Variants in LRRC63 observed in about 807,000 individuals in gnomAD.
LRRC63 encodes leucine rich repeat containing 63.
Under a neutral mutation model 49.5 loss-of-function variants are expected in LRRC63, and 40 were observed. That is an observed-to-expected ratio of 0.81 (90% CI 0.63 to 1.05). LRRC63 has a LOEUF of 1.05. Ranked by LOEUF, LRRC63 falls within the 50% of genes least tolerant of loss-of-function variation. The pLI is 0.00. For missense variants in LRRC63, 636 were observed against 663.1 expected (o/e 0.96, Z 0.45); for synonymous variants, 191 against 221.1 (o/e 0.86, Z 1.21).
chr13:46,252,025 A>G (rs1477319322), intron 7 of LRRC63, among the ~76,000 whole-genome samples: 1 of 151,994 alleles, frequency 6.6e-6, no homozygotes, highest in African/African-American at 2.4e-5. Flanking sequence ...ATTAAATAAC[A>G]TAGGATATGT....
At chr13:46,227,649 C>T (rs1238324219) in exon 3 of LRRC63, 1 of 1,550,302 alleles carries the variant, frequency 6.5e-7, no homozygotes, top group South Asian at 1.2e-5. Flanking sequence ...AAATATCTTT[C>T]TTGATCACTG....
At chr13:46,239,359 C>T (rs1210527470) in intron 5 of LRRC63, among the ~76,000 whole-genome samples, 4 of 152,090 alleles carry the variant, frequency 2.6e-5, no homozygotes, top group Non-Finnish European at 4.4e-5. Context: ...CTACAGACAC[C>T]TCTATGCACA....
intron 2 of LRRC63, among the ~76,000 whole-genome samples, chr13:46,221,372 A>G (rs1345898651): frequency 1.3e-5 from 2 of 152,214 alleles, no homozygotes; most frequent in Non-Finnish European, 2.9e-5. Flanking sequence ...AAGGCTTCAT[A>G]TTGGAAAGTT....
In LRRC63 at chr13:46,246,271, T is replaced by A. The variant is rs117815380; in HGVS notation, c.991-256T>A. On this transcript the variant is annotated intron_variant, in intron 5 of 9. Coordinates refer to ENST00000595396, the Ensembl canonical transcript of LRRC63. ...GCTCTTTTCTTTATAAATTACCCAG[T>A]GTCAGATATTTCTTTATAGTAGTGT... Among the ~76,000 whole-genome samples, 147 of 152,314 alleles carry A rather than the reference T, an allele frequency of 9.7e-4. 1 individual carries two copies. In the East Asian group the frequency reaches 0.023, roughly 24 times the overall value.
At chr13:46,259,906 A>C (rs1479734652) in intron 7 of LRRC63, among the ~76,000 whole-genome samples, 1 of 152,234 alleles carries the variant, frequency 6.6e-6, no homozygotes, top group African/African-American at 2.4e-5. Flanking sequence ...AGCTAACAGT[A>C]GGGCTCTAGT....
At chr13:46,236,355 A>G (rs1749644) in intron 5 of LRRC63, among the ~76,000 whole-genome samples, 63,417 of 151,990 alleles carry the variant, frequency 0.42, 15,189 homozygotes, top group African/African-American at 0.66. Flanking sequence ...ATTGCCAAGA[A>G]ATCCACAATG....
At chr13:46,276,854 A>G (rs868370283) in exon 10 of LRRC63, 1 of 118,780 alleles carries the variant, frequency 8.4e-6, no homozygotes, top group Admixed American at 1.0e-4. Flanking sequence ...ATATATATTT[A>G]TATATATATA....
Position 46,228,016 on chromosome 13 carries a change from G to C in LRRC63, c.590G>C (p.Ser197Thr), listed in dbSNP as rs776992593. 5.2e-5 allele frequency: 80 copies of C among 1,551,056 alleles called. No homozygotes were observed. In the African/African-American group the frequency reaches 9.3e-4, roughly 18 times the overall value. ...TATCAGCACATCTCGAGAGACTTAA[G>C]TGCAACAGTGCCAAGCCCTCCACCT... Residue 197 changes from serine (S) to threonine (T), a missense_variant, in exon 3 of 10, where the codon AGT (serine) becomes ACT (threonine). By Grantham distance (58) the Ser-to-Thr change is moderately conservative (BLOSUM62 1). Coordinates refer to ENST00000595396, the Ensembl canonical transcript of LRRC63.
chr13:46,265,904 A>G (rs1433310494), intron 8 of LRRC63, among the ~76,000 whole-genome samples: 2 of 152,214 alleles, frequency 1.3e-5, no homozygotes, highest in African/African-American at 4.8e-5. Context: ...ATTGTTTTCA[A>G]TACCCTTGTT....
chr13:46,241,421 T>C (rs892229215), intron 5 of LRRC63, among the ~76,000 whole-genome samples: 1 of 152,166 alleles, frequency 6.6e-6, no homozygotes, highest in African/African-American at 2.4e-5. Context: ...GAGCAAAGAT[T>C]TAATGATAAA....
chr13:46,234,072 G>A (rs2046837734), intron 4 of LRRC63, 120 bp from the exon 5 acceptor site: 2 of 876,252 alleles, frequency 2.3e-6, no homozygotes, highest in African/African-American at 1.7e-5. Flanking sequence ...CCTGCCAGAG[G>A]ATGTGTACAC....
At chr13:46,266,932 TATG>T (rs1323074520) in exon 9 of LRRC63, 4 of 1,547,162 alleles carry the variant, frequency 2.6e-6, no homozygotes, top group East Asian at 2.5e-5. Flanking sequence ...ACATAAATTT[TATG>T]ATAAGATCCC....
At chr13:46,273,747 A>C (rs1207135445) in intron 9 of LRRC63, among the ~76,000 whole-genome samples, 1 of 151,912 alleles carries the variant, frequency 6.6e-6, no homozygotes, top group Non-Finnish European at 1.5e-5. Context: ...CCCAGTCTCT[A>C]CTAAAATTAC....
At chr13:46,230,418 G>A (rs1339094848) in intron 4 of LRRC63, among the ~76,000 whole-genome samples, 4 of 152,206 alleles carry the variant, frequency 2.6e-5, no homozygotes, top group Non-Finnish European at 4.4e-5. Flanking sequence ...TAGACCGTCT[G>A]CTAGTTGAGG....
intron 7 of LRRC63, among the ~76,000 whole-genome samples, chr13:46,251,659 A>G (rs2047385894): frequency 6.6e-6 from 1 of 151,910 alleles, no homozygotes. Context: ...ATACTAACCC[A>G]TGTGTACACA....
At chr13:46,267,092 A>C in intron 9 of LRRC63, 120 bp downstream of exon 9, 1 of 911,438 alleles carries the variant, frequency 1.1e-6, no homozygotes, top group Non-Finnish European at 1.6e-6. Flanking sequence ...CACACACAAA[A>C]CCATACACAC....
At chr13:46,233,990 A>G (rs572231469) in intron 4 of LRRC63, among the ~76,000 whole-genome samples, 9 of 152,238 alleles carry the variant, frequency 5.9e-5, no homozygotes, top group Admixed American at 1.3e-4. Context: ...ATTTAAAATT[A>G]CAAAACAAAA....
At chr13:46,265,599 T>C (rs9595453) in intron 8 of LRRC63, among the ~76,000 whole-genome samples, 56,290 of 151,920 alleles carry the variant, frequency 0.37, 10,588 homozygotes, top group Middle Eastern at 0.46. Flanking sequence ...TGAGGGCTCC[T>C]GCCCTGATCT....
intron 5 of LRRC63, among the ~76,000 whole-genome samples, chr13:46,239,154 A>C (rs1218409229): frequency 6.6e-6 from 1 of 152,182 alleles, no homozygotes; most frequent in Non-Finnish European, 1.5e-5. Flanking sequence ...AACTAAAGAA[A>C]ATTGAGACAC....
Sources: allele counts gnomAD v4.1 joint callset (sites outside exome capture counted in the v4.1 genomes callset), GRCh38; gene constraint gnomAD v4.1.1; transcripts MANE v1.5; gene names NCBI Gene and HGNC (gene_info 2026-07-23, HGNC 2026-07-21).